Variants in MED27 observed in about 807,000 individuals in gnomAD.
MED27 encodes mediator of RNA polymerase II transcription subunit 27.
Under a neutral mutation model 38.2 loss-of-function variants are expected in MED27, and 30 were observed. The observed-to-expected ratio is 0.79, with a 90% CI of 0.59 to 1.07. MED27 has a LOEUF of 1.07. Among genes scored for constraint, MED27 ranks in the 50% least tolerant of loss-of-function variants. The pLI is 0.00. For synonymous variants in MED27, 122 were observed against 153.5 expected (o/e 0.79, Z 1.52); for missense variants, 289 against 397.5 (o/e 0.73, Z 2.32).
rs1169208007 is a variant in MED27, at chr9:131,883,243, A to T, written c.723+815T>A. ...AGATGATGGCCAACTCTCTTATTTC[A>T]CTACTGGATGAGACCAGAGACAGAA... On this transcript the variant is annotated intron_variant, in intron 6 of 7. Transcript: ENST00000292035. The surrounding 1 kb of genome is among the most constrained non-coding windows in gnomAD (Gnocchi z 4.2). Among the ~76,000 whole-genome samples, 2 of 152,096 alleles carry T rather than the reference A, an allele frequency of 1.3e-5. No homozygotes were observed. The highest frequency in any genetic ancestry group is 2.9e-5 in the Non-Finnish European group (2 of 68,016).
At chr9:131,973,353 C>G (rs2131016481) in intron 3 of MED27, among the ~76,000 whole-genome samples, 1 of 152,242 alleles carries the variant, frequency 6.6e-6, no homozygotes, top group South Asian at 2.1e-4. Context: ...GGGATGCCAA[C>G]AGGCATGCAT....
intron 4 of MED27, among the ~76,000 whole-genome samples, chr9:131,919,184 T>C (rs572280788): frequency 1.3e-5 from 2 of 152,330 alleles, no homozygotes; most frequent in African/African-American, 4.8e-5. Context: ...TACACGGAAC[T>C]TGAAATCACT....
chr9:132,060,163 C>T (rs961557694), intron 2 of MED27, among the ~76,000 whole-genome samples: 1 of 152,070 alleles, frequency 6.6e-6, no homozygotes, highest in African/African-American at 2.4e-5. Flanking sequence ...AGAAGAATCA[C>T]TGATTAGCAT....
intron 3 of MED27, among the ~76,000 whole-genome samples, chr9:131,953,658 T>C (rs1046722257): frequency 3.9e-5 from 6 of 152,116 alleles, no homozygotes; most frequent in Non-Finnish European, 8.8e-5. Flanking sequence ...CCAAAGGTTA[T>C]GGCAAAAATT....
At chr9:131,971,363 GGA>G (rs1026536284) in intron 3 of MED27, among the ~76,000 whole-genome samples, 1 of 152,210 alleles carries the variant, frequency 6.6e-6, no homozygotes, top group African/African-American at 2.4e-5. Flanking sequence ...AAGGACAGGG[GGA>G]GAGAGAGGGA....
intron 2 of MED27, among the ~76,000 whole-genome samples, chr9:132,075,114 T>C (rs1834016041): frequency 6.6e-6 from 1 of 152,212 alleles, no homozygotes; most frequent in African/African-American, 2.4e-5. Context: ...TAAAATATAA[T>C]GTGAATTGTT....
chr9:131,994,078 A>C (rs1167354014), intron 3 of MED27, among the ~76,000 whole-genome samples: 2 of 152,142 alleles, frequency 1.3e-5, no homozygotes, highest in Non-Finnish European at 2.9e-5. Context: ...TATAGCTCAC[A>C]TTTACTTCAA....
chr9:131,965,305 G>A (rs150149359), intron 3 of MED27, among the ~76,000 whole-genome samples: 189 of 152,260 alleles, frequency 1.2e-3, no homozygotes, highest in Middle Eastern at 6.8e-3. Flanking sequence ...TGCTTCTAGC[G>A]CGAGGCCATG....
chr9:132,072,221 G>A (rs929774836), intron 2 of MED27, among the ~76,000 whole-genome samples: 1 of 151,752 alleles, frequency 6.6e-6, no homozygotes, highest in Admixed American at 6.5e-5. Context: ...CTTACTATGT[G>A]TGAGTTACCC....
At chr9:131,957,190 G>A (rs867821018) in intron 3 of MED27, among the ~76,000 whole-genome samples, 17 of 151,812 alleles carry the variant, frequency 1.1e-4, no homozygotes, top group Middle Eastern at 3.4e-3. Context: ...CTAGATATTT[G>A]CCCAAGAAAA....
Position 131,860,530 on chromosome 9 carries a change from C to A in MED27, c.*8G>T. ...GGGTGGGGTCTGAGGCTGGGGCCAG[C>A]GTGGGGGCTACTGCCGGCAGGTGTC... On this transcript the variant is annotated 3_prime_UTR_variant, in exon 8 of 8. Transcript: ENST00000292035. The surrounding 1 kb of genome is among the most constrained non-coding windows in gnomAD (Gnocchi z 5.8). 1 of 1,514,208 alleles carries A rather than the reference C, an allele frequency of 6.6e-7. No homozygotes were observed. The allele number at this position is 1,514,208 out of a possible 1,614,324, so 93.8% of individuals were successfully genotyped here.
At chr9:132,014,757 A>G (rs1832566567) in intron 2 of MED27, among the ~76,000 whole-genome samples, 1 of 152,242 alleles carries the variant, frequency 6.6e-6, no homozygotes, top group Non-Finnish European at 1.5e-5. Context: ...AAAATAGAGA[A>G]AGAACTTCAC....
At chr9:131,903,524 C>A (rs1829992680) in intron 4 of MED27, among the ~76,000 whole-genome samples, 2 of 152,148 alleles carry the variant, frequency 1.3e-5, no homozygotes, top group South Asian at 4.1e-4. Context: ...AGCCTGAGAC[C>A]CAGGTTCAGA....
intron 3 of MED27, among the ~76,000 whole-genome samples, chr9:131,956,371 T>C (rs1355011716): frequency 1.3e-5 from 2 of 152,168 alleles, no homozygotes; most frequent in Non-Finnish European, 2.9e-5. Context: ...GTAAATGCAC[T>C]TCGGGAGGCC....
chr9:132,078,293 C>T (rs1834099160), intron 1 of MED27, among the ~76,000 whole-genome samples: 2 of 152,110 alleles, frequency 1.3e-5, no homozygotes, highest in African/African-American at 4.8e-5. Context: ...TTGGAATCAT[C>T]AGCCACCTTC....
At chr9:131,875,904 C>T (rs952334635) in intron 6 of MED27, among the ~76,000 whole-genome samples, 10 of 152,236 alleles carry the variant, frequency 6.6e-5, no homozygotes, top group South Asian at 6.2e-4. Flanking sequence ...CCCACGCGCC[C>T]GGCTGCGTCT....
At chr9:131,998,702 G>T (rs1051423573) in intron 3 of MED27, among the ~76,000 whole-genome samples, 36 of 152,048 alleles carry the variant, frequency 2.4e-4, no homozygotes, top group African/African-American at 8.7e-4. Flanking sequence ...TATTAATAAG[G>T]AAAAAGAATG....
chr9:131,903,968 G>C (rs1830002909), intron 4 of MED27, among the ~76,000 whole-genome samples: 1 of 150,318 alleles, frequency 6.7e-6, no homozygotes. Flanking sequence ...GCGTGATCTC[G>C]GCTCACTGCA....
chr9:131,876,334 G>A (rs932532185), intron 6 of MED27, among the ~76,000 whole-genome samples: 1 of 152,126 alleles, frequency 6.6e-6, no homozygotes, highest in African/African-American at 2.4e-5. Context: ...AACGCAGCGT[G>A]CCCTCAGAAA....
Sources: gnomAD v4.1 joint callset for allele counts (sites outside exome capture counted in the v4.1 genomes callset) on GRCh38, gnomAD v4.1.1 for gene constraint, Gnocchi (gnomAD v3.1) non-coding constraint, MANE v1.5 for transcripts, NCBI Gene and HGNC (gene_info 2026-07-23, HGNC 2026-07-21) for gene names.